The following TULP4 variants were observed in gnomAD, a reference collection of about 807,000 sequenced individuals.
TULP4 encodes tubby-related protein 4.
Under a neutral mutation model 129.0 loss-of-function variants are expected in TULP4, and 16 were observed. The observed-to-expected ratio is 0.12, with a 90% CI of 0.08 to 0.19. The LOEUF is 0.19. Among genes scored for constraint, TULP4 ranks in the 10% least tolerant of loss-of-function variants. The pLI is 1.00. For synonymous variants in TULP4, 998 were observed against 854.0 expected, an observed-to-expected ratio of 1.17 and a Z score of -2.94; for missense variants, 1,842 against 2,059.1, an observed-to-expected ratio of 0.89 and a Z score of 2.04.
At chr6:158,269,870 C>T (rs1236932571) in intron 1 of TULP4, among the ~76,000 whole-genome samples, 2 of 152,198 alleles carry the variant, frequency 1.3e-5, no homozygotes, top group South Asian at 2.1e-4. Context: ...GCCCGGTGCC[C>T]GGCAGTCTTG....
Position 158,491,391 on chromosome 6 carries a change from TTCTTTCTTTC to T in TULP4, c.1631+1661_1631+1670del, listed in dbSNP as rs1780195056. 3.5e-4 allele frequency among the ~76,000 whole-genome samples: 3 copies of T among 8,626 alleles called. No homozygotes were observed. The South Asian group carries it at 0.014, about 41-fold the overall frequency. The allele number at this position is 8,626 out of a possible 152,430, so 5.7% of individuals were successfully genotyped here. On this transcript the variant is annotated intron_variant, in intron 9 of 13. Transcript: ENST00000367097. ...GGGTTGTTTTATTGAGTTATAAGAG[TTCTTTCTTTC>T]TTTCTTTCTTTCTTTCTTTCTTTCT... is the stretch of plus-strand genomic sequence containing the variant.
upstream of TULP4, among the ~76,000 whole-genome samples, chr6:158,309,977 T>A (rs1779313694): frequency 1.3e-5 from 2 of 151,034 alleles, no homozygotes; most frequent in Non-Finnish European, 2.9e-5. Flanking sequence ...ACAAATTCTG[T>A]TAGTTGTTTT....
chr6:158,274,914 A>C (rs932490891), intron 1 of TULP4, among the ~76,000 whole-genome samples: 1 of 152,206 alleles, frequency 6.6e-6, no homozygotes, highest in Non-Finnish European at 1.5e-5. Flanking sequence ...ATCCTCATAC[A>C]TGCCAGTCTT....
At chr6:158,463,099 C>T (rs1779478030) in intron 6 of TULP4, among the ~76,000 whole-genome samples, 1 of 152,128 alleles carries the variant, frequency 6.6e-6, no homozygotes, top group Non-Finnish European at 1.5e-5. Context: ...AAATAACCAT[C>T]TCGAAATTAT....
At chr6:158,356,156 G>T (rs1319115556) in intron 1 of TULP4, among the ~76,000 whole-genome samples, 1 of 152,226 alleles carries the variant, frequency 6.6e-6, no homozygotes, top group Non-Finnish European at 1.5e-5. Context: ...CTGGGCCAGA[G>T]AGAAGTAAAC....
chr6:158,442,815 G>GT (rs71742442), intron 3 of TULP4, among the ~76,000 whole-genome samples: 161 of 145,544 alleles, frequency 1.1e-3, no homozygotes, highest in African/African-American at 1.8e-3. Context: ...TAAATGGTTG[G>GT]TTTTTTTTTT....
intron 4 of TULP4, among the ~76,000 whole-genome samples, chr6:158,451,155 T>C (rs947351953): frequency 2.0e-5 from 3 of 151,928 alleles, no homozygotes; most frequent in African/African-American, 7.3e-5. Flanking sequence ...CCAGAGTAAA[T>C]CCAAGAACAG....
At chr6:158,455,474 C>T (rs1399974123) in intron 5 of TULP4, among the ~76,000 whole-genome samples, 1 of 151,910 alleles carries the variant, frequency 6.6e-6, no homozygotes, top group African/African-American at 2.4e-5. Flanking sequence ...CGGTGGCTCA[C>T]GCCTGTAATC....
At chr6:158,344,644 CTG>C (rs1436735320) in intron 1 of TULP4, among the ~76,000 whole-genome samples, 17 of 152,170 alleles carry the variant, frequency 1.1e-4, no homozygotes, top group African/African-American at 4.1e-4. Flanking sequence ...TGTGTTATGA[CTG>C]TTCCACCGGC....
intron 1 of TULP4, among the ~76,000 whole-genome samples, chr6:158,305,183 A>C (rs893078430): frequency 6.6e-6 from 1 of 152,060 alleles, no homozygotes; most frequent in African/African-American, 2.4e-5. Context: ...TTGGTCCCTT[A>C]TATCACTGGA....
chr6:158,455,524 G>A lies in TULP4; in HGVS notation c.859+3256G>A, dbSNP rs1779272462. Among the ~76,000 whole-genome samples, 3 of 151,840 alleles carry A rather than the reference G, an allele frequency of 2.0e-5. 1 individual carries two copies. The South Asian group carries it at 6.3e-4, about 32-fold the overall frequency. Reference sequence around the variant, plus strand: ...GGCTGAGGCAGGTGAATCACCTGAGGTCAGGAGTTCGAGACCAGCCTGGCC... The same window carrying A: ...GGCTGAGGCAGGTGAATCACCTGAGATCAGGAGTTCGAGACCAGCCTGGCC... On this transcript the variant is annotated intron_variant, in intron 5 of 13. Coordinates refer to ENST00000367097, the MANE Select transcript of TULP4 (RefSeq NM_020245.5).
rs201414647 is a variant in TULP4, at chr6:158,501,956, C to T, written c.2293C>T (p.Arg765Cys). Residue 765 changes from arginine (R) to cysteine (C), a missense_variant, in exon 13 of 14, where the codon CGC becomes TGC. By Grantham distance (180) the Arg-to-Cys change is radical. This residue lies in a region of TULP4 where 1,089 missense variants were observed against 987.1 expected (regional missense o/e 1.10). Coordinates refer to ENST00000367097, the MANE Select transcript of TULP4 (RefSeq NM_020245.5). ...QVIFGSVEMGRIIQNPPPLSL... is the reference protein window; with the variant it reads ...QVIFGSVEMGCIIQNPPPLSL... Reference sequence around the variant, plus strand: ...GATTTTCGGAAGCGTGGAAATGGGCCGCATCATTCAGAACCCCCCTCCACT... The same window carrying T: ...GATTTTCGGAAGCGTGGAAATGGGCTGCATCATTCAGAACCCCCCTCCACT... 3.7e-5 allele frequency: 60 copies of T among 1,613,950 alleles called. No homozygotes were observed. In the Middle Eastern group the frequency reaches 1.6e-3, roughly 44 times the overall value.
chr6:158,342,404 T>G (rs1295898567), intron 1 of TULP4, among the ~76,000 whole-genome samples: 1 of 152,240 alleles, frequency 6.6e-6, no homozygotes, highest in African/African-American at 2.4e-5. Context: ...ACTTTCTTGT[T>G]CATTTGCACA....
intron 1 of TULP4, among the ~76,000 whole-genome samples, chr6:158,300,065 G>T (rs1032767995): frequency 6.6e-6 from 1 of 152,154 alleles, no homozygotes; most frequent in African/African-American, 2.4e-5. Flanking sequence ...TTAATTTGGC[G>T]TGCCAGTTTC....
intron 10 of TULP4, among the ~76,000 whole-genome samples, chr6:158,494,352 T>G (rs1780279582): frequency 6.6e-6 from 1 of 152,258 alleles, no homozygotes; most frequent in Admixed American, 6.5e-5. Context: ...AATAATTTCT[T>G]AAATTTTTAA....
intron 1 of TULP4, among the ~76,000 whole-genome samples, chr6:158,346,088 T>G (rs1006119770): frequency 4.6e-5 from 7 of 152,220 alleles, no homozygotes; most frequent in African/African-American, 1.7e-4. Context: ...TCAGATCTTA[T>G]GGTTGTCTTC....
At chr6:158,461,411 C>CAA (rs1172710735) in intron 5 of TULP4, 152 bp from the exon 6 acceptor site, 1,407 of 548,338 alleles carry the variant, frequency 2.6e-3, no homozygotes, top group Non-Finnish European at 2.8e-3. Context: ...AACTCCGTCT[C>CAA]AAAAAAAAAA....
At chr6:158,417,514 G>A (rs1778236584) in intron 2 of TULP4, among the ~76,000 whole-genome samples, 2 of 152,178 alleles carry the variant, frequency 1.3e-5, no homozygotes, top group Admixed American at 1.3e-4. Flanking sequence ...AACCCACTGA[G>A]CAACTGTCAT....
chr6:158,235,434 A>C (rs560638652), intron 1 of TULP4, among the ~76,000 whole-genome samples: 1 of 152,318 alleles, frequency 6.6e-6, no homozygotes, highest in African/African-American at 2.4e-5. Flanking sequence ...TTGCCCTTTC[A>C]TGACTGGCTT....
Sources: gnomAD v4.1 joint callset for allele counts (sites outside exome capture counted in the v4.1 genomes callset) on GRCh38, gnomAD v4.1.1 for gene constraint, gnomAD v4.1.1 regional missense constraint, MANE v1.5 for transcripts, NCBI Gene and HGNC (gene_info 2026-07-23, HGNC 2026-07-21) for gene names.